The following PCDH15 variants were observed in gnomAD, a reference collection of about 807,000 sequenced individuals.
The protein encoded by PCDH15 is protocadherin related 15.
Under a neutral mutation model 178.5 loss-of-function variants are expected in PCDH15, and 129 were observed. The observed-to-expected ratio is 0.72, with a 90% CI of 0.63 to 0.84. PCDH15 has a LOEUF of 0.84. Among genes scored for constraint, PCDH15 ranks in the 40% least tolerant of loss-of-function variants. The pLI is 0.00. For synonymous variants in PCDH15, 800 were observed against 732.0 expected, an observed-to-expected ratio of 1.09 and a Z score of -1.50; for missense variants, 2,230 against 2,099.9, an observed-to-expected ratio of 1.06 and a Z score of -1.21.
chr10:54,604,965 A>G (rs1168281025), intron 2 of PCDH15, among the ~76,000 whole-genome samples: 1 of 151,840 alleles, frequency 6.6e-6, no homozygotes, highest in East Asian at 1.9e-4. Flanking sequence ...TGTGAATGAC[A>G]TGAGTCTTAC....
intron 2 of PCDH15, among the ~76,000 whole-genome samples, chr10:55,357,436 G>T (rs948963487): frequency 3.9e-4 from 59 of 151,960 alleles, no homozygotes; most frequent in African/African-American, 1.3e-3. Context: ...TTCAATAGAA[G>T]GAAGTGAGGA....
At chr10:55,441,301 T>G (rs956269449) in intron 2 of PCDH15, among the ~76,000 whole-genome samples, 1 of 152,202 alleles carries the variant, frequency 6.6e-6, no homozygotes, top group Non-Finnish European at 1.5e-5. Flanking sequence ...TCCAAACTTG[T>G]CTTTGTTCTT....
At chr10:54,888,987 T>C (rs1452716191) in intron 3 of PCDH15, among the ~76,000 whole-genome samples, 1 of 151,824 alleles carries the variant, frequency 6.6e-6, no homozygotes, top group Non-Finnish European at 1.5e-5. Context: ...ATGAGGTGCA[T>C]TTGACACACA....
intron 6 of PCDH15, among the ~76,000 whole-genome samples, chr10:54,342,515 A>G (rs1942432337): frequency 6.6e-6 from 1 of 152,178 alleles, no homozygotes; most frequent in African/African-American, 2.4e-5. Context: ...TATCTGCTGC[A>G]GGGGTGGAGC....
At chr10:54,925,427 CGT>C (rs201534617) in intron 2 of PCDH15, among the ~76,000 whole-genome samples, 30,235 of 91,884 alleles carry the variant, frequency 0.33, 3,556 homozygotes, top group Middle Eastern at 0.44. Context: ...GCTATTCAGG[CGT>C]TTTTTTTTGT....
intron 1 of PCDH15, among the ~76,000 whole-genome samples, chr10:54,730,638 A>G (rs1358646134): frequency 6.6e-6 from 1 of 151,526 alleles, no homozygotes; most frequent in Non-Finnish European, 1.5e-5. Flanking sequence ...TGAAAAAGGC[A>G]CCAAGAACAG....
intron 1 of PCDH15, among the ~76,000 whole-genome samples, chr10:54,678,993 A>G (rs1322426752): frequency 3.3e-5 from 5 of 151,886 alleles, no homozygotes; most frequent in Admixed American, 6.6e-5. Context: ...GATCGAGACC[A>G]TCTTGGCTAA....
At chr10:54,786,928 C>T (rs977018930) in intron 1 of PCDH15, among the ~76,000 whole-genome samples, 2 of 151,460 alleles carry the variant, frequency 1.3e-5, no homozygotes, top group Non-Finnish European at 3.0e-5. Flanking sequence ...TGCTAATTTC[C>T]TCAAAAGTTA....
At chr10:55,199,617 G>T (rs1840186489) in intron 1 of PCDH15, among the ~76,000 whole-genome samples, 1 of 151,990 alleles carries the variant, frequency 6.6e-6, no homozygotes. Context: ...AAGACAATGG[G>T]GAAAATGCCT....
chr10:54,660,031 A>G (rs2094466946), intron 2 of PCDH15, among the ~76,000 whole-genome samples: 1 of 152,148 alleles, frequency 6.6e-6, no homozygotes, highest in African/African-American at 2.4e-5. Flanking sequence ...GGAACTAGGA[A>G]CATAAGAACA....
rs7083980 is a variant in PCDH15 at position 54,238,710 on chromosome 10, C to A, written c.877-1779G>T. Among the ~76,000 whole-genome samples the A allele has an allele frequency of 2.0e-3, 298 of 150,342 alleles. 1 individual carries two copies. The highest frequency in any genetic ancestry group is 4.2e-3 in the African/African-American group (169 of 40,608). ...ACACACACACACACACACACACACA[C>A]ACACTTTCCCAATAATCAATTTGCT... On this transcript the variant is annotated intron_variant, in intron 8 of 37. Coordinates refer to ENST00000644397, the MANE Select transcript of PCDH15 (RefSeq NM_001384140.1).
At chr10:54,134,493 C>T (rs1417892895) in intron 14 of PCDH15, among the ~76,000 whole-genome samples, 1 of 152,100 alleles carries the variant, frequency 6.6e-6, no homozygotes, top group African/African-American at 2.4e-5. Flanking sequence ...GTGGCTCACA[C>T]CTGTAATCCC....
At chr10:54,949,424 C>T (rs1838277099) in intron 2 of PCDH15, among the ~76,000 whole-genome samples, 1 of 151,904 alleles carries the variant, frequency 6.6e-6, no homozygotes, top group African/African-American at 2.4e-5. Context: ...CCCCATGATT[C>T]AATTACCTTC....
intron 3 of PCDH15, among the ~76,000 whole-genome samples, chr10:54,445,520 C>T (rs1444149499): frequency 2.6e-5 from 4 of 151,476 alleles, no homozygotes; most frequent in African/African-American, 9.7e-5. Flanking sequence ...AAAAATATGT[C>T]ATCATTACTT....
intron 1 of PCDH15, among the ~76,000 whole-genome samples, chr10:54,694,461 C>T (rs897510476): frequency 1.3e-5 from 2 of 152,138 alleles, no homozygotes; most frequent in African/African-American, 4.8e-5. Flanking sequence ...CTTTATTTCA[C>T]TCCACAAATA....
In PCDH15 at chr10:55,019,885, A is replaced by T. The variant is rs894726766; in HGVS notation, c.-79-122385T>A. On this transcript the variant is annotated intron_variant, in intron 2 of 5. Coordinates refer to the PCDH15 transcript ENST00000458638. The stretch of plus-strand genomic sequence containing the variant: ...TGTCAATAGAATAGATATTAAGAAT[A>T]AAAAAAACCATAAGACACATATAAA... Among the ~76,000 whole-genome samples, 54 of 150,938 alleles carry T rather than the reference A, an allele frequency of 3.6e-4. 1 individual carries two copies. The highest frequency in any genetic ancestry group is 7.4e-5 in the Non-Finnish European group (5 of 67,874).
At chr10:54,792,658 A>G (rs1318181512) in intron 1 of PCDH15, among the ~76,000 whole-genome samples, 1 of 151,860 alleles carries the variant, frequency 6.6e-6, no homozygotes, top group Non-Finnish European at 1.5e-5. Flanking sequence ...GACTGGATCA[A>G]TACCATCAGT....
At chr10:55,091,656 T>C (rs1477932180) in intron 2 of PCDH15, among the ~76,000 whole-genome samples, 1 of 151,952 alleles carries the variant, frequency 6.6e-6, no homozygotes, top group Non-Finnish European at 1.5e-5. Flanking sequence ...TGAGGAATAG[T>C]TATGCTGTTT....
chr10:54,047,329 A>C (rs1407892307), intron 18 of PCDH15, among the ~76,000 whole-genome samples: 1 of 150,112 alleles, frequency 6.7e-6, no homozygotes, highest in Non-Finnish European at 1.5e-5. Context: ...ACCAACTATA[A>C]ATTTCAATTG....
Sources: allele counts gnomAD v4.1 joint callset (sites outside exome capture counted in the v4.1 genomes callset), GRCh38; gene constraint gnomAD v4.1.1; transcripts MANE v1.5; gene names NCBI Gene and HGNC (gene_info 2026-07-23, HGNC 2026-07-21).